The following NCF2 variants were observed in gnomAD, a reference collection of about 807,000 sequenced individuals.
NCF2 encodes neutrophil cytosol factor 2.
Under a neutral mutation model 70.9 loss-of-function variants are expected in NCF2, and 45 were observed. The observed-to-expected ratio is 0.63, with a 90% CI of 0.50 to 0.81. NCF2 has a LOEUF of 0.81. Ranked by LOEUF, NCF2 falls within the 40% of genes least tolerant of loss-of-function variation. The pLI is 0.00. For synonymous variants in NCF2, 203 were observed against 233.6 expected, an observed-to-expected ratio of 0.87 and a Z score of 1.19; for missense variants, 522 against 631.6, an observed-to-expected ratio of 0.83 and a Z score of 1.86.
In NCF2 at chr1:183,563,248, C is replaced by G; in HGVS notation, c.1237G>C (p.Ala413Pro). 1 of 1,614,184 alleles carries G rather than the reference C, an allele frequency of 6.2e-7. No individual in the cohort carries two copies. The highest frequency in any genetic ancestry group is 1.1e-5 in the South Asian group (1 of 91,078). The change falls in exon 13 of 15, where the codon GCC (alanine) becomes CCC (proline). Residue 413 changes from alanine (A) to proline (P), a missense_variant. Physicochemically the swap from Ala to Pro is conservative, Grantham distance 27. Coordinates refer to ENST00000367535, the MANE Select transcript of NCF2 (RefSeq NM_000433.4). ...VPLSEDSMKD[A>P]WGQVKNYCLT... ...CAGTAGTTTTTCACCTGGCCCCAGG[C>G]ATCCTTCATGCTGTCTTCTGAAAGG...
At chr1:183,573,103 C>G in intron 5 of NCF2, 82 bp downstream of exon 5, 1 of 1,266,302 alleles carries the variant, frequency 7.9e-7, no homozygotes, top group Non-Finnish European at 1.2e-6. Flanking sequence ...GGAGGCTACC[C>G]TCTTCTCAAG....
chr1:183,587,927 T>G (rs1471473266), intron 1 of NCF2, among the ~76,000 whole-genome samples: 1 of 152,236 alleles, frequency 6.6e-6, no homozygotes. Flanking sequence ...TTTTCATTAG[T>G]GTAGCTTTCA....
chr1:183,569,329 A>G (rs1181750885), intron 6 of NCF2, 144 bp from the exon 7 acceptor site: 1 of 794,520 alleles, frequency 1.3e-6, no homozygotes, highest in Non-Finnish European at 2.2e-6. Context: ...AACACTGTCT[A>G]GGAAGAGGGC....
At chr1:183,581,291 AAAAAAAG>A in intron 2 of NCF2, among the ~76,000 whole-genome samples, 1 of 132,728 alleles carries the variant, frequency 7.5e-6, no homozygotes, top group South Asian at 2.4e-4. Flanking sequence ...CAAAAAAAAA[AAAAAAAG>A]AAAGAAAGAA....
rs142803799 is a variant in NCF2 at position 183,586,955 on chromosome 1, C to T, written c.197G>A (p.Arg66Gln). 1.5e-4 allele frequency: 238 copies of T among 1,614,086 alleles called. No homozygotes were observed. Among genetic ancestry groups the T allele is most frequent in the Middle Eastern group, 8.2e-4 (5 of 6,062 alleles). ...GTAAGCCACTGCCAAGTGCTTGTCT[C>T]GGTTAATGCTTCTGGTAAAGGCCTG... is the stretch of plus-strand genomic sequence containing the variant. ...AEKAFTRSINRDKHLAVAYFQ... is the reference protein window; with the variant it reads ...AEKAFTRSINQDKHLAVAYFQ... The change falls in exon 2 of 15, where the codon CGA (arginine) becomes CAA (glutamine). Residue 66 changes from arginine (R) to glutamine (Q), a missense_variant. Physicochemically the swap from Arg to Gln is conservative, Grantham distance 43 (BLOSUM62 1). Transcript: ENST00000367535.
intron 9 of NCF2, among the ~76,000 whole-genome samples, chr1:183,566,546 A>T (rs1193228196): frequency 7.2e-5 from 11 of 152,132 alleles, no homozygotes; most frequent in Admixed American, 7.2e-4. Context: ...AGCTGGCCTC[A>T]TTTTCTTTCT....
At chr1:183,582,644 G>A (rs1673167780) in intron 2 of NCF2, among the ~76,000 whole-genome samples, 1 of 152,240 alleles carries the variant, frequency 6.6e-6, no homozygotes, top group Admixed American at 6.5e-5. Flanking sequence ...GGATGCTGCA[G>A]TGGCTGCTGT....
At chr1:183,572,585 G>T (rs1265139007) in intron 5 of NCF2, among the ~76,000 whole-genome samples, 1 of 152,232 alleles carries the variant, frequency 6.6e-6, no homozygotes, top group Non-Finnish European at 1.5e-5. Context: ...ACTACAAGGA[G>T]CATTAATCCA....
intron 2 of NCF2, among the ~76,000 whole-genome samples, chr1:183,581,153 G>A (rs1231782488): frequency 2.6e-5 from 4 of 151,644 alleles, no homozygotes; most frequent in African/African-American, 7.3e-5. Context: ...ATAGTGGTAC[G>A]TGCCTGTAGT....
chr1:183,560,321 A>G, intron 13 of NCF2, 48 bp from the exon 14 acceptor site: 2 of 1,592,124 alleles, frequency 1.3e-6, no homozygotes, highest in African/African-American at 1.3e-5. Context: ...CTGCCAAGTG[A>G]ACACTGAACA....
rs573207861 is a variant in NCF2 at position 183,555,600 on chromosome 1, T to TA, written c.*517dup. The TA allele has an allele frequency of 8.5e-4, 138 of 161,812 alleles. 2 individuals are homozygous for TA. The East Asian group carries it at 0.017, about 20-fold the overall frequency. The allele number at this position is 161,812 out of a possible 1,614,324, so 10.0% of individuals were successfully genotyped here. A position where few individuals can be genotyped will look rare whatever the true frequency, so the allele number is the denominator to read the frequency against. On this transcript the variant is annotated 3_prime_UTR_variant, in exon 15 of 15. Transcript: ENST00000367535. ...CAAACAAGTTTATTTGTATATGCCT[T>TA]ATGAGTAACCTATAAGGTTACTTCA...
intron 3 of NCF2, among the ~76,000 whole-genome samples, chr1:183,576,600 A>T (rs1672810503): frequency 6.6e-6 from 1 of 152,234 alleles, no homozygotes; most frequent in African/African-American, 2.4e-5. Context: ...ACAGAGCTAC[A>T]GCTGAGAAAC....
chr1:183,566,012 C>T (rs370389123), intron 9 of NCF2, among the ~76,000 whole-genome samples: 13 of 152,332 alleles, frequency 8.5e-5, no homozygotes, highest in Middle Eastern at 3.4e-3. Context: ...AATCCTAACC[C>T]GCTAAAACGC....
At chr1:183,563,020 G>C (rs1373722771) in intron 13 of NCF2, among the ~76,000 whole-genome samples, 175 bp downstream of exon 13, 1 of 152,136 alleles carries the variant, frequency 6.6e-6, no homozygotes, top group African/African-American at 2.4e-5. Context: ...CTCTCTCCCT[G>C]CTGCAAATGG....
intron 13 of NCF2, among the ~76,000 whole-genome samples, chr1:183,561,763 A>AAACCAT (rs1672062879): frequency 7.1e-6 from 1 of 140,786 alleles, no homozygotes; most frequent in African/African-American, 2.7e-5. Context: ...TTTCAGGCAT[A>AAACCAT]AACCATACCA....
At chr1:183,591,711 C>G (rs1673659349), upstream of NCF2, among the ~76,000 whole-genome samples, 1 of 152,134 alleles carries the variant, frequency 6.6e-6, no homozygotes, top group African/African-American at 2.4e-5. Context: ...GTCTCGAACT[C>G]CTGACCTCAG....
intron 14 of NCF2, among the ~76,000 whole-genome samples, chr1:183,559,409 C>T (rs533030111): frequency 8.5e-4 from 129 of 152,274 alleles, no homozygotes; most frequent in Admixed American, 2.4e-3. Flanking sequence ...CAAAATTTAC[C>T]TACTTTTCTC....
At chr1:183,593,513 A>G (rs1268658684), upstream of NCF2, among the ~76,000 whole-genome samples, 1 of 151,982 alleles carries the variant, frequency 6.6e-6, no homozygotes, top group Non-Finnish European at 1.5e-5. Flanking sequence ...AACTCCAGCT[A>G]CACAGGCCTC....
At chr1:183,597,024 C>T in the NCF2 span, among the ~76,000 whole-genome samples, 6 of 152,288 alleles carry the variant, frequency 3.9e-5, no homozygotes, top group East Asian at 1.2e-3. Context: ...TTACATTTTC[C>T]ACAGAACTGG....
Sources: allele counts gnomAD v4.1 joint callset (sites outside exome capture counted in the v4.1 genomes callset), GRCh38; gene constraint gnomAD v4.1.1; transcripts MANE v1.5; gene names NCBI Gene and HGNC (gene_info 2026-07-23, HGNC 2026-07-21).